Variants in TMEM132D observed in about 807,000 individuals in gnomAD.
The protein encoded by TMEM132D is transmembrane protein 132D.
TMEM132D carries 21 observed loss-of-function variants against 62.3 expected under a neutral mutation model. That is an observed-to-expected ratio of 0.34 (90% CI 0.24 to 0.49). The LOEUF is 0.49. TMEM132D is among the 20% of genes least tolerant of loss of function. The pLI is 0.99. For synonymous variants in TMEM132D, 621 were observed against 575.6 expected (o/e 1.08, Z -1.13); for missense variants, 1,346 against 1,402.8 (o/e 0.96, Z 0.65).
At chr12:129,507,127 C>T (rs1340296499) in intron 3 of TMEM132D, among the ~76,000 whole-genome samples, 1 of 152,118 alleles carries the variant, frequency 6.6e-6, no homozygotes, top group East Asian at 1.9e-4. Flanking sequence ...CACAAATGAT[C>T]AGGGAAATGC....
intron 1 of TMEM132D, among the ~76,000 whole-genome samples, chr12:129,838,430 G>A (rs947146351): frequency 1.3e-5 from 2 of 152,150 alleles, no homozygotes; most frequent in African/African-American, 2.4e-5. Context: ...CTGTCAGAGC[G>A]GCCAGTTCAG....
At chr12:129,228,279 A>G (rs1380952221) in intron 4 of TMEM132D, among the ~76,000 whole-genome samples, 1 of 152,114 alleles carries the variant, frequency 6.6e-6, no homozygotes, top group African/African-American at 2.4e-5. Flanking sequence ...TGCGTGCTGA[A>G]AATGTCAGCT....
intron 3 of TMEM132D, among the ~76,000 whole-genome samples, chr12:129,411,252 T>C (rs1362143642): frequency 2.0e-5 from 3 of 152,216 alleles, no homozygotes; most frequent in Non-Finnish European, 2.9e-5. Flanking sequence ...GATGAATTCG[T>C]TATCACCAAC....
At chr12:129,333,939 G>A (rs142462807) in intron 4 of TMEM132D, among the ~76,000 whole-genome samples, 2,628 of 152,228 alleles carry the variant, frequency 0.017, 70 homozygotes, top group African/African-American at 0.06. Flanking sequence ...TGGCTAACAT[G>A]GTGAAACCCC....
chr12:129,551,405 C>A (rs969931485), intron 2 of TMEM132D, among the ~76,000 whole-genome samples: 4 of 152,222 alleles, frequency 2.6e-5, no homozygotes, highest in African/African-American at 9.6e-5. Context: ...AGGCATGTCT[C>A]TCTCTTGGGA....
intron 7 of TMEM132D, among the ~76,000 whole-genome samples, chr12:129,080,337 GTCTC>G (rs1415699384): frequency 1.3e-5 from 2 of 152,092 alleles, no homozygotes; most frequent in Admixed American, 1.3e-4. Context: ...ACTCCCTGTT[GTCTC>G]TCTAACACTC....
chr12:129,899,437 G>T (rs1215669899), intron 1 of TMEM132D, among the ~76,000 whole-genome samples: 2 of 151,566 alleles, frequency 1.3e-5, no homozygotes, highest in African/African-American at 4.9e-5. Flanking sequence ...ATGGATGGAT[G>T]GGTGGATGGG....
rs542398964 is a variant in TMEM132D, at chr12:129,426,532, G to C, written c.1116-88715C>G. Among the ~76,000 whole-genome samples the C allele has an allele frequency of 3.5e-4, 54 of 152,244 alleles. 1 individual carries two copies. In the South Asian group the frequency reaches 0.011, roughly 31 times the overall value. The stretch of plus-strand genomic sequence containing the variant: ...GTCAGGTCATCTTCAGGCTCCAAAG[G>C]TCCTAGAACTATCTCAGGAATCTCC... On this transcript the variant is annotated intron_variant, in intron 3 of 8. Coordinates refer to ENST00000422113, the MANE Select transcript of TMEM132D (RefSeq NM_133448.3).
intron 3 of TMEM132D, among the ~76,000 whole-genome samples, chr12:129,483,754 G>C (rs1444306006): frequency 6.6e-6 from 1 of 152,142 alleles, no homozygotes; most frequent in Non-Finnish European, 1.5e-5. Flanking sequence ...ACAAAACTCA[G>C]TGCCCCAATT....
At chr12:129,585,991 T>G (rs1483219229) in intron 2 of TMEM132D, among the ~76,000 whole-genome samples, 1 of 152,106 alleles carries the variant, frequency 6.6e-6, no homozygotes, top group Non-Finnish European at 1.5e-5. Context: ...ATTGTAATAA[T>G]AATAATTAAA....
Position 129,867,296 on chromosome 12 carries a change from G to C in TMEM132D, c.79+35965C>G, listed in dbSNP as rs528732121. Among the ~76,000 whole-genome samples the C allele has an allele frequency of 6.6e-6, 1 of 152,082 alleles. No homozygotes were observed. Among genetic ancestry groups the C allele is most frequent in the South Asian group, 2.1e-4 (1 of 4,794 alleles). ...AAGAAAGAAAGAAATCCTGCCATTTGCAACAATATATACATGACACTGAAA... is the reference window on the plus strand; with the variant it reads ...AAGAAAGAAAGAAATCCTGCCATTTCCAACAATATATACATGACACTGAAA... On this transcript the variant is annotated intron_variant, in intron 1 of 8. Coordinates refer to ENST00000422113, the MANE Select transcript of TMEM132D (RefSeq NM_133448.3). The surrounding 1 kb of genome is among the most constrained non-coding windows in gnomAD (Gnocchi z 4.5).
chr12:129,688,961 G>A (rs1273336267), intron 2 of TMEM132D, among the ~76,000 whole-genome samples: 1 of 151,956 alleles, frequency 6.6e-6, no homozygotes, highest in Non-Finnish European at 1.5e-5. Context: ...CGTCCCTTGG[G>A]GATATCTGGC....
chr12:129,796,240 T>G (rs1472388093), intron 1 of TMEM132D, among the ~76,000 whole-genome samples: 1 of 152,192 alleles, frequency 6.6e-6, no homozygotes, highest in East Asian at 1.9e-4. Flanking sequence ...CTCTTTGGGC[T>G]AAATCTTTTT....
intron 2 of TMEM132D, among the ~76,000 whole-genome samples, chr12:129,644,641 C>A (rs1395065056): frequency 6.6e-6 from 1 of 152,022 alleles, no homozygotes. Flanking sequence ...ACAGTATAAT[C>A]TCCCTCAATG....
intron 2 of TMEM132D, among the ~76,000 whole-genome samples, chr12:129,531,927 G>A (rs1172747132): frequency 6.6e-6 from 1 of 152,116 alleles, no homozygotes; most frequent in Non-Finnish European, 1.5e-5. Flanking sequence ...GTGGTGGTGT[G>A]CCCCTGTAGT....
intron 2 of TMEM132D, among the ~76,000 whole-genome samples, chr12:129,583,501 C>A (rs915968827): frequency 1.3e-5 from 2 of 152,298 alleles, no homozygotes; most frequent in East Asian, 1.9e-4. Flanking sequence ...AAACTAAAAT[C>A]TGAATTTTAA....
At chr12:129,110,226 C>T (rs1284237571) in intron 5 of TMEM132D, 1 of 152,210 alleles carries the variant, frequency 6.6e-6, no homozygotes, top group Non-Finnish European at 1.5e-5. Context: ...ATCTCTGGTG[C>T]ACTTAACTCT....
chr12:129,492,814 G>A (rs910196030), intron 3 of TMEM132D, among the ~76,000 whole-genome samples: 4 of 152,122 alleles, frequency 2.6e-5, no homozygotes, highest in African/African-American at 2.4e-5. Flanking sequence ...AACAAAGCAC[G>A]GGCAATCGGG....
At chr12:129,830,369 C>G (rs1872792623) in intron 1 of TMEM132D, among the ~76,000 whole-genome samples, 1 of 152,150 alleles carries the variant, frequency 6.6e-6, no homozygotes, top group Admixed American at 6.5e-5. Context: ...AAAATTCATG[C>G]TGAGAACTGC....
Sources: gnomAD v4.1 joint callset for allele counts (sites outside exome capture counted in the v4.1 genomes callset) on GRCh38, gnomAD v4.1.1 for gene constraint, Gnocchi (gnomAD v3.1) non-coding constraint, MANE v1.5 for transcripts, NCBI Gene and HGNC (gene_info 2026-07-23, HGNC 2026-07-21) for gene names.